The following ECSCR variants were observed in gnomAD, a reference collection of about 807,000 sequenced individuals.
ECSCR encodes endothelial cell-specific chemotaxis regulator.
A neutral mutation model predicts 16.7 loss-of-function variants in ECSCR; 12 were observed. The ratio of observed to expected loss-of-function variants is 0.72; its 90% CI spans 0.46 to 1.17. The LOEUF (loss-of-function observed/expected upper bound fraction) is 1.17, where lower values mean the gene tolerates loss of function less well. ECSCR is among the 50% of genes most tolerant of loss of function. The pLI is 0.00. For missense variants in ECSCR, 122 were observed against 116.1 expected, an observed-to-expected ratio of 1.05 and a Z score of -0.23; for synonymous variants, 44 against 42.2, an observed-to-expected ratio of 1.04 and a Z score of -0.17.
chr5:139,451,228 G>C (rs970837215), intron 8 of ECSCR, among the ~76,000 whole-genome samples: 1 of 149,280 alleles, frequency 6.7e-6, no homozygotes, highest in Admixed American at 6.7e-5. Flanking sequence ...TGTGTGTGTG[G>C]TATGGGGTGT....
rs992360069 is a variant in ECSCR, at chr5:139,450,510, G to T, written c.513-1336C>A. ...AAAAAAAAAAAGGCTGGGCATGGTGGCTCATGCCTGTAATCCCAGCGCTTT... is the reference window on the plus strand; with the variant it reads ...AAAAAAAAAAAGGCTGGGCATGGTGTCTCATGCCTGTAATCCCAGCGCTTT... On this transcript the variant is annotated intron_variant, in intron 8 of 9. Transcript: ENST00000618155. 1.9e-4 allele frequency among the ~76,000 whole-genome samples: 28 copies of T among 146,822 alleles called. No homozygotes were observed. The South Asian group carries it at 3.7e-3, about 20-fold the overall frequency.
intron 8 of ECSCR, among the ~76,000 whole-genome samples, chr5:139,451,704 GGT>G (rs1289801831): frequency 7.1e-6 from 1 of 140,258 alleles, no homozygotes; most frequent in Non-Finnish European, 1.6e-5. Flanking sequence ...GGGTATGCGT[GGT>G]GTGTTTGTGG....
chr5:139,458,200 AAC>A lies in ECSCR; in HGVS notation c.62-19_62-18del. ...AGTTGTGGCCTGCAAGAGAAAGCAA[AAC>A]ACATAGCTTGGTAAGTCCCCTGCCC... On this transcript the variant is annotated intron_variant, in intron 1 of 9. Coordinates refer to ENST00000618155, the MANE Select transcript of ECSCR (RefSeq NM_001077693.4). The A allele has an allele frequency of 1.3e-6, 2 of 1,549,584 alleles. No homozygotes were observed. Among genetic ancestry groups the A allele is most frequent in the Non-Finnish European group, 1.7e-6 (2 of 1,146,850 alleles).
intron 1 of ECSCR, among the ~76,000 whole-genome samples, chr5:139,460,407 T>A (rs111690840): frequency 1.2e-4 from 19 of 152,316 alleles, no homozygotes; most frequent in African/African-American, 4.1e-4. Context: ...AATGCTGGGA[T>A]CACAGGCGTG....
rs1354857523 is a variant in ECSCR at position 139,458,158 on chromosome 5, G to A, written c.87C>T (p.Thr29=). The change falls in exon 2 of 10, where the codon ACC becomes ACT. Residue 29 remains threonine, a synonymous_variant. Coordinates refer to ENST00000618155, the MANE Select transcript of ECSCR (RefSeq NM_001077693.4). ...FRGHNSQPTM[T]QTSSSQGGLG... Reference sequence around the variant, plus strand: ...TCTTACCCTGAGAGCTAGAGGTCTGGGTCATTGTGGGCTGGGAGTTGTGGC... The same window carrying A: ...TCTTACCCTGAGAGCTAGAGGTCTGAGTCATTGTGGGCTGGGAGTTGTGGC... The A allele has an allele frequency of 1.3e-6, 2 of 1,549,574 alleles. No homozygotes were observed. The highest frequency in any genetic ancestry group is 1.7e-6 in the Non-Finnish European group (2 of 1,146,986).
chr5:139,459,290 GCCTAGAGGTA>G (rs774137077), intron 1 of ECSCR, among the ~76,000 whole-genome samples: 1 of 152,154 alleles, frequency 6.6e-6, no homozygotes, highest in Non-Finnish European at 1.5e-5. Flanking sequence ...CTTGTATCTT[GCCTAGAGGTA>G]GGGGCCTGTG....
intron 8 of ECSCR, among the ~76,000 whole-genome samples, chr5:139,451,497 G>T (rs1373795870): frequency 6.8e-6 from 1 of 147,152 alleles, no homozygotes; most frequent in African/African-American, 2.5e-5. Context: ...GGTTTGGGTG[G>T]GTGTGTGGTG....
intron 1 of ECSCR, among the ~76,000 whole-genome samples, chr5:139,461,783 C>G (rs908411435): frequency 7.9e-5 from 12 of 152,166 alleles, no homozygotes; most frequent in Admixed American, 1.3e-4. Flanking sequence ...CCACCCCTCC[C>G]CATCTGAGCC....
chr5:139,457,782 G>T lies in ECSCR; in HGVS notation c.132C>A (p.Thr44=). 6.2e-7 allele frequency: 1 copy of T among 1,611,868 alleles called. No individual in the cohort carries two copies. The change falls in exon 3 of 10, where the codon ACC becomes ACA. Residue 44 remains threonine (T), a synonymous_variant. Transcript: ENST00000618155. ...SQGGLGGLSL[T]TEPVSSNPGY... ...CTGGGTTGGAAGAAACTGGCTCTGT[G>T]GTCAGACTTAGACCGCCAAGGCCTC...
chr5:139,457,599 T>A lies in ECSCR; in HGVS notation c.163A>T (p.Ile55Phe). 1.2e-6 allele frequency: 1 copy of A among 853,058 alleles called. No individual in the cohort carries two copies. Among genetic ancestry groups the A allele is most frequent in the Non-Finnish European group, 2.1e-6 (1 of 484,152 alleles). The allele number at this position is 853,058 out of a possible 1,614,324, so 52.8% of individuals were successfully genotyped here. Residue 55 changes from isoleucine (I) to phenylalanine (F), a missense_variant, in exon 4 of 10, where the codon ATC becomes TTC. Physicochemically the swap from Ile to Phe is conservative, Grantham distance 21 (BLOSUM62 0). Transcript: ENST00000618155. ...TEPVSSNPGY[I>F]PSSEANRPSH... ...GGCCTGTTAGCCTCTGAGGAAGGGA[T>A]GTATCCTGCAAGGACAGAGGCAGAT...
Position 139,455,352 on chromosome 5 carries a change from G to A in ECSCR, c.347C>T (p.Ser116Leu), listed in dbSNP as rs1751133506. Residue 116 changes from serine (S) to leucine (L), a missense_variant, in exon 6 of 10, where the codon TCA (serine) becomes TTA (leucine). By Grantham distance (145) the Ser-to-Leu change is moderately radical (BLOSUM62 -2). Coordinates refer to ENST00000618155, the MANE Select transcript of ECSCR (RefSeq NM_001077693.4). ...TGCAGCCACAGTGAGCACAGTCTCT[G>A]ACGTGGGGCTGGGCAGGATGGTCGC... ...EDATILPSPT[S>L]ETVLTVAAFG... 2.5e-6 allele frequency: 1 copy of A among 398,624 alleles called. No individual in the cohort carries two copies. The highest frequency in any genetic ancestry group is 2.1e-5 in the African/African-American group (1 of 48,636). The allele number at this position is 398,624 out of a possible 1,614,324, so 24.7% of individuals were successfully genotyped here.
chr5:139,455,235 A>G (rs1751129421), intron 6 of ECSCR, 88 bp downstream of exon 6: 3 of 277,174 alleles, frequency 1.1e-5, no homozygotes, highest in Non-Finnish European at 1.7e-5. Flanking sequence ...AATGGGTGAG[A>G]TTTGAACTTG....
At chr5:139,457,641 G>A (rs993409440) in intron 3 of ECSCR, 37 bp from the exon 4 acceptor site, 2 of 1,129,218 alleles carry the variant, frequency 1.8e-6, no homozygotes, top group African/African-American at 1.5e-5. Flanking sequence ...TGGGAGGTGG[G>A]GTAGGTTTGG....
intron 1 of ECSCR, among the ~76,000 whole-genome samples, chr5:139,461,507 A>T (rs1561477563): frequency 6.6e-6 from 1 of 152,168 alleles, no homozygotes; most frequent in Non-Finnish European, 1.5e-5. Flanking sequence ...GAGTGCTGGC[A>T]CTTGCCTGGG....
Position 139,448,667 on chromosome 5 carries a change from G to C in ECSCR, c.*233C>G. On this transcript the variant is annotated 3_prime_UTR_variant, in exon 10 of 10. Coordinates refer to ENST00000618155, the MANE Select transcript of ECSCR (RefSeq NM_001077693.4). ...CTCTTTCCTGTGGCTCTGAGGAGGTGGGAGAAGCAGGCAGTATTTCCACAG... is the reference window on the plus strand; with the variant it reads ...CTCTTTCCTGTGGCTCTGAGGAGGTCGGAGAAGCAGGCAGTATTTCCACAG... 2.3e-6 allele frequency: 3 copies of C among 1,305,234 alleles called. No homozygotes were observed. Among genetic ancestry groups the C allele is most frequent in the Middle Eastern group, 2.8e-4 (1 of 3,570 alleles). 80.9% of individuals were successfully genotyped at this position (1,305,234 alleles called of 1,614,324 possible).
intron 1 of ECSCR, among the ~76,000 whole-genome samples, chr5:139,460,125 T>C (rs1751261863): frequency 6.6e-6 from 1 of 151,424 alleles, no homozygotes; most frequent in Admixed American, 6.6e-5. Flanking sequence ...ATATGTAATG[T>C]ATTTTTTGTT....
chr5:139,458,081 C>T (rs967453847), intron 2 of ECSCR, 58 bp downstream of exon 2: 3 of 1,517,236 alleles, frequency 2.0e-6, no homozygotes, highest in South Asian at 1.2e-5. Flanking sequence ...GAGCTCCTCT[C>T]ACCCTTCCTA....
Position 139,456,485 on chromosome 5 carries a change from C to T in ECSCR, c.251G>A (p.Gly84Asp). The T allele has an allele frequency of 2.5e-6, 1 of 398,660 alleles. No individual in the cohort carries two copies. The highest frequency in any genetic ancestry group is 4.4e-5 in the Admixed American group (1 of 22,732). 24.7% of individuals were successfully genotyped at this position (398,660 alleles called of 1,614,324 possible). The change falls in exon 5 of 10, where the codon GGC (glycine) becomes GAC (aspartate). Residue 84 changes from glycine to aspartate, a missense_variant. Coordinates refer to ENST00000618155, the MANE Select transcript of ECSCR (RefSeq NM_001077693.4). ...AGVPSSGRDG[G>D]TSRDTFQTVP... ...GCAGCAGGACATACCTCTGCTTGTGCCTCCGTCTCTTCCACTGCTGGGGAC... is the reference window on the plus strand; with the variant it reads ...GCAGCAGGACATACCTCTGCTTGTGTCTCCGTCTCTTCCACTGCTGGGGAC...
At chr5:139,449,216 C>A (rs1750975107) in intron 8 of ECSCR, 42 bp from the exon 9 acceptor site, 1 of 1,421,456 alleles carries the variant, frequency 7.0e-7, no homozygotes, top group Non-Finnish European at 9.6e-7. Context: ...AGGAGGAGGG[C>A]AGGGCAATGG....
Sources: allele counts gnomAD v4.1 joint callset (sites outside exome capture counted in the v4.1 genomes callset), GRCh38; gene constraint gnomAD v4.1.1; transcripts MANE v1.5; gene names NCBI Gene and HGNC (gene_info 2026-07-23, HGNC 2026-07-21).